Variants in CMSS1 observed in about 807,000 individuals in gnomAD.
CMSS1 encodes protein CMSS1.
Under a neutral mutation model 43.5 loss-of-function variants are expected in CMSS1, and 33 were observed. The ratio of observed to expected loss-of-function variants is 0.76; its 90% CI spans 0.57 to 1.01. CMSS1 has a LOEUF of 1.01. CMSS1 is among the 50% of genes least tolerant of loss of function. The pLI is 0.00. For missense variants in CMSS1, 313 were observed against 326.4 expected (o/e 0.96, Z 0.32); for synonymous variants, 115 against 117.2 (o/e 0.98, Z 0.12).
chr3:99,836,464 G>A (rs1942899765), intron 1 of CMSS1, among the ~76,000 whole-genome samples: 1 of 152,162 alleles, frequency 6.6e-6, no homozygotes, highest in South Asian at 2.1e-4. Context: ...AAATTTTGGA[G>A]ATGTTGCTTT....
chr3:100,141,527 C>T (rs1162523031), intron 1 of CMSS1: 2 of 456,202 alleles, frequency 4.4e-6, no homozygotes, highest in Admixed American at 4.7e-5. Context: ...ATCCCATTGC[C>T]AGGGCCCCTC....
chr3:100,034,319 C>T (rs1054176684), intron 1 of CMSS1, among the ~76,000 whole-genome samples: 1 of 152,164 alleles, frequency 6.6e-6, no homozygotes, highest in Non-Finnish European at 1.5e-5. Context: ...AATGTACACT[C>T]ATGGCAGCAG....
intron 1 of CMSS1, among the ~76,000 whole-genome samples, chr3:100,044,195 C>A (rs1250152498): frequency 6.6e-6 from 1 of 152,156 alleles, no homozygotes; most frequent in Non-Finnish European, 1.5e-5. Context: ...ATTCATTTAA[C>A]AAATTTTGAT....
At chr3:100,117,878 T>TATATATACAC (rs1357671856) in intron 1 of CMSS1, among the ~76,000 whole-genome samples, 12 of 129,084 alleles carry the variant, frequency 9.3e-5, no homozygotes, top group African/African-American at 3.8e-4. Context: ...TATATATATA[T>TATATATACAC]ACACATACAA....
chr3:100,045,957 G>C (rs1445573028), intron 1 of CMSS1, among the ~76,000 whole-genome samples: 3 of 152,114 alleles, frequency 2.0e-5, no homozygotes, highest in African/African-American at 7.2e-5. Context: ...GATGAGAGAA[G>C]GGAAGGGGAA....
At chr3:100,046,724 A>G (rs1361837138) in intron 1 of CMSS1, among the ~76,000 whole-genome samples, 1 of 152,172 alleles carries the variant, frequency 6.6e-6, no homozygotes, top group Non-Finnish European at 1.5e-5. Context: ...TGAGAAAAAT[A>G]CTCAAAATGC....
chr3:100,022,967 C>G (rs993813203), intron 1 of CMSS1, among the ~76,000 whole-genome samples: 1 of 152,164 alleles, frequency 6.6e-6, no homozygotes, highest in African/African-American at 2.4e-5. Flanking sequence ...GCCATGCAAT[C>G]TCTTGCTTTT....
intron 1 of CMSS1, among the ~76,000 whole-genome samples, chr3:99,883,309 G>A (rs554690443): frequency 1.3e-5 from 2 of 152,276 alleles, no homozygotes; most frequent in Admixed American, 1.3e-4. Flanking sequence ...ATGACACCAT[G>A]TTGAATAAAT....
At chr3:99,936,369 C>CTTTT (rs548149257) in intron 1 of CMSS1, among the ~76,000 whole-genome samples, 132 of 86,370 alleles carry the variant, frequency 1.5e-3, no homozygotes, top group African/African-American at 2.1e-3. Flanking sequence ...AGCTTGAAGC[C>CTTTT]TTTTTTTTTT....
chr3:99,857,625 C>T (rs1175591885), intron 1 of CMSS1, among the ~76,000 whole-genome samples: 1 of 152,204 alleles, frequency 6.6e-6, no homozygotes, highest in Non-Finnish European at 1.5e-5. Flanking sequence ...TCTGTTTTCA[C>T]AGATTGTTTT....
intron 1 of CMSS1, among the ~76,000 whole-genome samples, chr3:100,082,583 G>A (rs1204051921): frequency 6.6e-6 from 1 of 152,164 alleles, no homozygotes; most frequent in Admixed American, 6.6e-5. Context: ...CAGCAGCATG[G>A]CATTCATATT....
chr3:99,823,305 T>C lies in CMSS1; in HGVS notation c.64+5262T>C, dbSNP rs1241703980. Among the ~76,000 whole-genome samples the C allele has an allele frequency of 4.6e-5, 7 of 152,212 alleles. No homozygotes were observed. The East Asian group carries it at 1.2e-3, about 25-fold the overall frequency. On this transcript the variant is annotated intron_variant, in intron 1 of 9. Coordinates refer to ENST00000421999, the MANE Select transcript of CMSS1 (RefSeq NM_032359.4). ...TCAAAGCTTAACATATGTGGCTGCC[T>C]TCTTTAAATCTTTACTTAGTTATTT...
intron 1 of CMSS1, among the ~76,000 whole-genome samples, chr3:99,902,524 C>T (rs561801596): frequency 2.0e-5 from 3 of 152,262 alleles, no homozygotes; most frequent in East Asian, 1.9e-4. Flanking sequence ...GCTGTCAGCT[C>T]ATTCTGAGGA....
chr3:99,914,805 G>A (rs1706901835), intron 1 of CMSS1, among the ~76,000 whole-genome samples: 2 of 152,180 alleles, frequency 1.3e-5, no homozygotes, highest in African/African-American at 4.8e-5. Flanking sequence ...GACAAAGGAG[G>A]AATATAAATG....
chr3:99,926,946 T>A (rs992780762), intron 1 of CMSS1, among the ~76,000 whole-genome samples: 13 of 152,144 alleles, frequency 8.5e-5, no homozygotes, highest in African/African-American at 3.1e-4. Context: ...TCTGTCCTCA[T>A]CACTGACAGC....
chr3:99,947,903 A>T (rs939090144), intron 1 of CMSS1, among the ~76,000 whole-genome samples: 3 of 152,292 alleles, frequency 2.0e-5, no homozygotes, highest in Non-Finnish European at 4.4e-5. Context: ...CCTTTCATGG[A>T]GGAAGCTGTT....
intron 1 of CMSS1, among the ~76,000 whole-genome samples, chr3:100,045,441 G>A (rs1314179392): frequency 1.3e-5 from 2 of 152,148 alleles, no homozygotes; most frequent in Non-Finnish European, 1.5e-5. Context: ...GTATAAAATC[G>A]AGATAAAACC....
chr3:100,080,334 T>G (rs866304953), intron 1 of CMSS1, among the ~76,000 whole-genome samples: 21 of 152,068 alleles, frequency 1.4e-4, no homozygotes, highest in African/African-American at 5.1e-4. Context: ...AAAAAAAAAT[T>G]TAATAACTCT....
chr3:100,065,450 A>G (rs2065647675), intron 1 of CMSS1, among the ~76,000 whole-genome samples: 1 of 152,206 alleles, frequency 6.6e-6, no homozygotes, highest in Non-Finnish European at 1.5e-5. Flanking sequence ...TCTAGATTCA[A>G]TCCCAGTTCT....
Sources: gnomAD v4.1 joint callset for allele counts (sites outside exome capture counted in the v4.1 genomes callset) on GRCh38, gnomAD v4.1.1 for gene constraint, MANE v1.5 for transcripts, NCBI Gene and HGNC (gene_info 2026-07-23, HGNC 2026-07-21) for gene names.